The following VWA3B variants were observed in gnomAD, a reference collection of about 807,000 sequenced individuals.
The protein encoded by VWA3B is von Willebrand factor A domain-containing protein 3B.
In VWA3B, 138 loss-of-function variants were observed where a neutral mutation model predicts 158.3. The ratio of observed to expected loss-of-function variants is 0.87; its 90% CI spans 0.76 to 1.00. VWA3B has a LOEUF of 1.00. Among genes scored for constraint, VWA3B ranks in the 50% least tolerant of loss-of-function variants. The pLI, the probability that VWA3B is intolerant of heterozygous loss-of-function variation, is 0.00. For synonymous variants in VWA3B, 596 were observed against 587.3 expected, an observed-to-expected ratio of 1.01 and a Z score of -0.21; for missense variants, 1,555 against 1,565.1, an observed-to-expected ratio of 0.99 and a Z score of 0.11.
chr2:98,185,388 T>C (rs1034157828), intron 9 of VWA3B, among the ~76,000 whole-genome samples: 2 of 152,200 alleles, frequency 1.3e-5, no homozygotes, highest in African/African-American at 4.8e-5. Context: ...CAACTTTCCG[T>C]CTTTTCTGGC....
intron 21 of VWA3B, among the ~76,000 whole-genome samples, chr2:98,259,970 G>A (rs1393666396): frequency 6.6e-6 from 1 of 151,586 alleles, no homozygotes; most frequent in Non-Finnish European, 1.5e-5. Flanking sequence ...AATTTCTCTA[G>A]TAATTTCTTC....
chr2:98,325,219 C>T, the VWA3B span, among the ~76,000 whole-genome samples: 10 of 152,022 alleles, frequency 6.6e-5, no homozygotes, highest in Admixed American at 1.3e-4. Flanking sequence ...TAAATCATTC[C>T]GTCATAGTCA....
At chr2:98,189,087 T>C (rs1681365280) in intron 10 of VWA3B, among the ~76,000 whole-genome samples, 1 of 152,260 alleles carries the variant, frequency 6.6e-6, no homozygotes, top group Non-Finnish European at 1.5e-5. Context: ...CCCCATCATT[T>C]CTTCTTTGAC....
chr2:98,181,255 A>T lies in VWA3B; in HGVS notation c.1311+43A>T, dbSNP rs1297952845. The stretch of plus-strand genomic sequence containing the variant: ...CTGGGAGGGGCTGGGGCCTCCCCTC[A>T]AGTCCTGGGTGGGTGAGGCCTCCAT... On this transcript the variant is annotated intron_variant, in intron 9 of 27. Transcript: ENST00000477737. 4 of 1,596,608 alleles carry T rather than the reference A, an allele frequency of 2.5e-6. No individual in the cohort carries two copies. In the South Asian group the frequency reaches 4.5e-5, roughly 18 times the overall value.
intron 8 of VWA3B, among the ~76,000 whole-genome samples, chr2:98,170,570 C>G (rs922288117): frequency 2.0e-5 from 3 of 151,244 alleles, no homozygotes; most frequent in African/African-American, 7.3e-5. Flanking sequence ...CTTTATAGTC[C>G]TGGGTGGTGA....
intron 2 of VWA3B, among the ~76,000 whole-genome samples, chr2:98,111,742 G>T (rs903462924): frequency 1.3e-4 from 19 of 151,646 alleles, no homozygotes; most frequent in Admixed American, 1.2e-3. Context: ...TTTAAATGGG[G>T]TTATTTTTTG....
At chr2:98,251,624 G>A (rs1220620777) in intron 20 of VWA3B, among the ~76,000 whole-genome samples, 4 of 152,174 alleles carry the variant, frequency 2.6e-5, no homozygotes, top group African/African-American at 9.7e-5. Context: ...GCCACCATGC[G>A]GGTGGGTGAA....
intron 10 of VWA3B, among the ~76,000 whole-genome samples, chr2:98,189,691 C>T (rs765822190): frequency 1.3e-5 from 2 of 152,064 alleles, no homozygotes; most frequent in Non-Finnish European, 2.9e-5. Context: ...CAACTGTAGT[C>T]TTTAATTCTC....
intron 7 of VWA3B, among the ~76,000 whole-genome samples, chr2:98,158,311 C>T (rs1395156268): frequency 3.3e-5 from 5 of 152,052 alleles, no homozygotes; most frequent in South Asian, 2.1e-4. Flanking sequence ...CAAAGTCAGC[C>T]GGTGCACACA....
intron 2 of VWA3B, among the ~76,000 whole-genome samples, chr2:98,101,859 T>C (rs1051571596): frequency 4.0e-5 from 6 of 151,492 alleles, no homozygotes. Flanking sequence ...TATTTTTTTA[T>C]TTTTTATTTT....
chr2:98,252,628 C>A (rs1005173360), intron 20 of VWA3B, among the ~76,000 whole-genome samples: 2 of 152,094 alleles, frequency 1.3e-5, no homozygotes, highest in African/African-American at 4.8e-5. Context: ...TAAAGAGGAA[C>A]TGATGTTCAT....
chr2:98,311,672 T>A (rs1241066776), intron 26 of VWA3B, 147 bp from the exon 27 acceptor site: 1 of 953,118 alleles, frequency 1.0e-6, no homozygotes, highest in East Asian at 2.7e-5. Context: ...GCCTAAAGCA[T>A]TGGGTTCACA....
chr2:98,134,023 G>C, intron 7 of VWA3B, 84 bp downstream of exon 7: 1 of 1,103,166 alleles, frequency 9.1e-7, no homozygotes, highest in Non-Finnish European at 1.4e-6. Flanking sequence ...AAAGTACGAG[G>C]GAGAGACTCC....
chr2:98,169,089 G>A (rs1272241862), intron 8 of VWA3B, among the ~76,000 whole-genome samples: 1 of 152,112 alleles, frequency 6.6e-6, no homozygotes, highest in Admixed American at 6.6e-5. Context: ...CTTAAAAGCA[G>A]CCAGAACAAC....
At chr2:98,248,879 C>CTTTA (rs67307713) in intron 19 of VWA3B, among the ~76,000 whole-genome samples, 1 of 34,472 alleles carries the variant, frequency 2.9e-5, no homozygotes, top group African/African-American at 1.4e-4. Flanking sequence ...TTCTTTCTTT[C>CTTTA]TTTCTCTCTT....
intron 19 of VWA3B, among the ~76,000 whole-genome samples, chr2:98,243,443 C>T (rs1045458984): frequency 4.6e-5 from 7 of 151,978 alleles, no homozygotes; most frequent in African/African-American, 1.7e-4. Flanking sequence ...AAGCAATTCT[C>T]CTGCCTCAGC....
At chr2:98,324,435 T>A in the VWA3B span, among the ~76,000 whole-genome samples, 1 of 152,164 alleles carries the variant, frequency 6.6e-6, no homozygotes, top group African/African-American at 2.4e-5. Context: ...AGTGCTGGGA[T>A]TAGAGGTGTG....
At chr2:98,103,738 C>T (rs957056220) in intron 2 of VWA3B, among the ~76,000 whole-genome samples, 1 of 152,134 alleles carries the variant, frequency 6.6e-6, no homozygotes, top group Admixed American at 6.5e-5. Flanking sequence ...AGTGTGCATT[C>T]CACAGTTGTT....
At chr2:98,123,224 T>G (rs982117198) in intron 5 of VWA3B, among the ~76,000 whole-genome samples, 1 of 152,186 alleles carries the variant, frequency 6.6e-6, no homozygotes, top group Non-Finnish European at 1.5e-5. Context: ...CTTAAAGAAT[T>G]TTTTGAGCAG....
Sources: allele counts gnomAD v4.1 joint callset (sites outside exome capture counted in the v4.1 genomes callset), GRCh38; gene constraint gnomAD v4.1.1; transcripts MANE v1.5; gene names NCBI Gene and HGNC (gene_info 2026-07-23, HGNC 2026-07-21).